CA10: variants seen among roughly 807,000 people sequenced by gnomAD.
CA10 encodes carbonic anhydrase 10 (inactive).
In CA10, 14 loss-of-function variants were observed where a neutral mutation model predicts 44.2. That is an observed-to-expected ratio of 0.32 (90% confidence interval 0.21 to 0.50). CA10 has a LOEUF of 0.50. Ranked by LOEUF, CA10 falls within the 20% of genes least tolerant of loss-of-function variation. The pLI, the probability that CA10 is intolerant of heterozygous loss-of-function variation, is 0.99. For missense variants in CA10, 350 were observed against 409.7 expected, an observed-to-expected ratio of 0.85 and a Z score of 1.26; for synonymous variants, 159 against 141.6, an observed-to-expected ratio of 1.12 and a Z score of -0.87.
At chr17:51,885,590 A>C (rs1980562621) in intron 3 of CA10, among the ~76,000 whole-genome samples, 1 of 152,218 alleles carries the variant, frequency 6.6e-6, no homozygotes, top group South Asian at 2.1e-4. Context: ...AACAGTTAAC[A>C]ACCTCTTTTT....
chr17:52,111,153 C>G (rs1270262700), intron 1 of CA10, among the ~76,000 whole-genome samples: 7 of 151,800 alleles, frequency 4.6e-5, no homozygotes, highest in African/African-American at 1.7e-4. Flanking sequence ...TCAGAATTGC[C>G]AAGACTACAC....
At chr17:52,103,402 G>T (rs1988586612) in intron 1 of CA10, among the ~76,000 whole-genome samples, 1 of 152,162 alleles carries the variant, frequency 6.6e-6, no homozygotes, top group Non-Finnish European at 1.5e-5. Flanking sequence ...AGGCAAGTTT[G>T]CACTTGTTCA....
chr17:51,821,472 C>T (rs548631491), intron 3 of CA10, among the ~76,000 whole-genome samples: 10 of 152,044 alleles, frequency 6.6e-5, no homozygotes, highest in South Asian at 2.1e-4. Flanking sequence ...GATCATTTGT[C>T]GTCTCCCCGC....
intron 3 of CA10, among the ~76,000 whole-genome samples, chr17:51,913,769 G>A (rs1440915596): frequency 1.3e-5 from 2 of 152,114 alleles, no homozygotes; most frequent in Non-Finnish European, 2.9e-5. Flanking sequence ...AGTGTTTGGT[G>A]GGGATGCTGA....
chr17:51,652,055 C>T (rs1020225772), intron 5 of CA10, among the ~76,000 whole-genome samples: 1 of 152,160 alleles, frequency 6.6e-6, no homozygotes, highest in Non-Finnish European at 1.5e-5. Flanking sequence ...ATGTCATGTA[C>T]TCCCTTCTTG....
intron 2 of CA10, among the ~76,000 whole-genome samples, chr17:52,026,463 A>G (rs1406000996): frequency 6.6e-6 from 1 of 152,122 alleles, no homozygotes; most frequent in East Asian, 1.9e-4. Flanking sequence ...ATGATGGGAG[A>G]AAACGTCCTA....
chr17:51,649,989 C>CCAGCCAGCCAGCCAGT (rs1913500034), intron 5 of CA10, among the ~76,000 whole-genome samples: 1 of 21,418 alleles, frequency 4.7e-5, no homozygotes, highest in Admixed American at 5.6e-4. Flanking sequence ...AGCCAGTCAG[C>CCAGCCAGCCAGCCAGT]CAGCCAGCCA....
At chr17:51,867,601 A>G (rs1979608305) in intron 3 of CA10, among the ~76,000 whole-genome samples, 1 of 152,212 alleles carries the variant, frequency 6.6e-6, no homozygotes, top group African/African-American at 2.4e-5. Context: ...AGCCAGTGCT[A>G]AAACAGACAA....
chr17:52,130,631 T>C (rs149401310), intron 1 of CA10, among the ~76,000 whole-genome samples: 2 of 152,314 alleles, frequency 1.3e-5, no homozygotes, highest in Non-Finnish European at 2.9e-5. Flanking sequence ...GAATGGTGGT[T>C]ACTAGCGACT....
intron 2 of CA10, among the ~76,000 whole-genome samples, chr17:51,931,988 G>A (rs767513949): frequency 1.3e-5 from 2 of 151,990 alleles, no homozygotes; most frequent in Non-Finnish European, 1.5e-5. Context: ...TACTTCCATC[G>A]AGTCTCTGGA....
At chr17:52,107,548 T>G (rs1285813260) in intron 1 of CA10, among the ~76,000 whole-genome samples, 3 of 152,154 alleles carry the variant, frequency 2.0e-5, no homozygotes, top group Non-Finnish European at 4.4e-5. Flanking sequence ...ATTTTTATTA[T>G]CTAGAACATA....
At chr17:52,157,529 A>AG (rs1555571054) in intron 1 of CA10, among the ~76,000 whole-genome samples, 197 bp downstream of exon 1, 1 of 110,390 alleles carries the variant, frequency 9.1e-6, no homozygotes, top group Non-Finnish European at 1.8e-5. Flanking sequence ...GATCCTAACC[A>AG]CCCCCCCCCG....
chr17:52,027,586 A>G (rs1056137269), intron 2 of CA10, among the ~76,000 whole-genome samples: 3 of 152,172 alleles, frequency 2.0e-5, no homozygotes, highest in South Asian at 4.1e-4. Context: ...AAAAATCTAT[A>G]TAGTGTAGGA....
intron 1 of CA10, among the ~76,000 whole-genome samples, chr17:52,108,037 C>T (rs962534691): frequency 3.3e-5 from 5 of 151,870 alleles, no homozygotes; most frequent in Non-Finnish European, 2.9e-5. Context: ...AAAAATAAAA[C>T]GTCCTTGCAT....
intron 4 of CA10, among the ~76,000 whole-genome samples, chr17:51,723,955 A>G (rs901705435): frequency 1.3e-5 from 2 of 152,138 alleles, no homozygotes; most frequent in Non-Finnish European, 2.9e-5. Context: ...GAGAGAAGCC[A>G]AGGGCTCTGA....
At chr17:51,638,853 C>A (rs538253351) in intron 6 of CA10, among the ~76,000 whole-genome samples, 1 of 152,070 alleles carries the variant, frequency 6.6e-6, no homozygotes, top group East Asian at 1.9e-4. Context: ...AGCTGGGAAT[C>A]GGGTAGGGTG....
chr17:51,700,302 C>G (rs1915548746), intron 4 of CA10, among the ~76,000 whole-genome samples: 1 of 152,188 alleles, frequency 6.6e-6, no homozygotes, highest in Non-Finnish European at 1.5e-5. Context: ...AGTCATACTT[C>G]AGATAATATC....
chr17:51,820,965 T>G (rs975701056), intron 3 of CA10, among the ~76,000 whole-genome samples: 1 of 151,776 alleles, frequency 6.6e-6, no homozygotes, highest in African/African-American at 2.4e-5. Flanking sequence ...AACTCCTTAG[T>G]AGAAGAGCTG....
intron 3 of CA10, among the ~76,000 whole-genome samples, chr17:51,867,960 G>A (rs987329024): frequency 3.3e-5 from 5 of 152,040 alleles, no homozygotes; most frequent in Admixed American, 1.3e-4. Context: ...ACAGTTTGAT[G>A]ATGATCCACT....
Sources: gnomAD v4.1 joint callset for allele counts (sites outside exome capture counted in the v4.1 genomes callset) on GRCh38, gnomAD v4.1.1 for gene constraint, MANE v1.5 for transcripts, NCBI Gene and HGNC (gene_info 2026-07-23, HGNC 2026-07-21) for gene names.